The following CENPI variants were observed in gnomAD, a reference collection of about 807,000 sequenced individuals.
The protein encoded by CENPI is centromere protein I, also known as FSH primary response 1.
A neutral mutation model predicts 60.4 loss-of-function variants in CENPI; 4 were observed. The observed-to-expected ratio is 0.07, with a 90% CI of 0.03 to 0.15. The LOEUF (loss-of-function observed/expected upper bound fraction) is 0.15. CENPI is among the 10% of genes least tolerant of loss of function. The pLI, the probability that CENPI is intolerant of heterozygous loss-of-function variation, is 1.00. For synonymous variants in CENPI, 157 were observed against 189.4 expected, an observed-to-expected ratio of 0.83 and a Z score of 1.40; for missense variants, 444 against 534.5, an observed-to-expected ratio of 0.83 and a Z score of 1.67.
At chrX:101,168,551 C>T (rs140308775), downstream of CENPI, among the ~76,000 whole-genome samples, 789 of 111,643 alleles carry the variant, frequency 7.1e-3, 7 homozygotes, top group African/African-American at 0.025. Context: ...GGCAACAGAG[C>T]AAGACTCTGA....
chrX:101,120,589 C>G, intron 7 of CENPI, 139 bp downstream of exon 7: 1 of 616,469 alleles, frequency 1.6e-6, no homozygotes, highest in Non-Finnish European at 2.6e-6. Context: ...ACTTTAAGAG[C>G]ATCTGCTTAA....
chrX:101,156,448 A>C (rs1464420124), intron 20 of CENPI, among the ~76,000 whole-genome samples: 1 of 112,143 alleles, frequency 8.9e-6, no homozygotes, highest in Non-Finnish European at 1.9e-5. Flanking sequence ...TTTATTGCTA[A>C]AAGGGAAAAA....
intron 9 of CENPI, 40 bp downstream of exon 9, chrX:101,126,838 A>G: frequency 9.5e-7 from 1 of 1,052,917 alleles, no homozygotes; most frequent in African/African-American, 1.8e-5. Context: ...TAAGATTGAA[A>G]TATGTTATTT....
intron 11 of CENPI, 97 bp downstream of exon 11, chrX:101,127,762 G>C: frequency 1.5e-6 from 1 of 663,472 alleles, no homozygotes; most frequent in Non-Finnish European, 2.3e-6. Context: ...TTTGAGATAG[G>C]GTCTTACCTG....
chrX:101,156,062 G>C (rs1185272285), intron 20 of CENPI, among the ~76,000 whole-genome samples: 1 of 110,151 alleles, frequency 9.1e-6, no homozygotes, highest in Non-Finnish European at 1.9e-5. Flanking sequence ...ACCCAGGCTG[G>C]AGTGCAATGG....
chrX:101,113,463 T>C (rs906483601), intron 6 of CENPI, among the ~76,000 whole-genome samples: 1 of 110,435 alleles, frequency 9.1e-6, no homozygotes, highest in African/African-American at 3.3e-5. Context: ...ATTACAGGTA[T>C]GTGCTACCAC....
At chrX:101,141,854 C>A (rs1232793667) in intron 16 of CENPI, among the ~76,000 whole-genome samples, 2 of 110,685 alleles carry the variant, frequency 1.8e-5, no homozygotes, top group Admixed American at 9.7e-5. Flanking sequence ...CACCTCAGCC[C>A]CTGAGTAGCT....
At chrX:101,162,473 A>AATATATATATATATATATATAT (rs1556409815) in intron 21 of CENPI, among the ~76,000 whole-genome samples, 26 of 68,096 alleles carry the variant, frequency 3.8e-4, no homozygotes, top group African/African-American at 1.6e-3. Flanking sequence ...AAAAAAAAAA[A>AATATATATATATATATATATAT]ATATATATAT....
At chrX:101,114,428 A>G (rs2089593542) in intron 6 of CENPI, among the ~76,000 whole-genome samples, 1 of 111,674 alleles carries the variant, frequency 9.0e-6, no homozygotes, top group African/African-American at 3.3e-5. Context: ...CACCTCAAAA[A>G]GAAAAAAAGA....
chrX:101,117,017 C>T (rs2089630449), intron 6 of CENPI, among the ~76,000 whole-genome samples: 1 of 111,051 alleles, frequency 9.0e-6, no homozygotes, highest in Non-Finnish European at 1.9e-5. Context: ...CCTTTGCCCT[C>T]TTTTAAATTG....
chrX:101,171,079 AT>A (rs759467831), downstream of CENPI, among the ~76,000 whole-genome samples: 126 of 112,376 alleles, frequency 1.1e-3, no homozygotes, highest in Non-Finnish European at 2.2e-3. Context: ...AACTTGGAAA[AT>A]TCACATTTCT....
chrX:101,141,729 C>T (rs1460013507), intron 16 of CENPI, among the ~76,000 whole-genome samples: 1 of 110,467 alleles, frequency 9.1e-6, no homozygotes, highest in Non-Finnish European at 1.9e-5. Flanking sequence ...TTGAAATTAC[C>T]TCCACCTGCC....
intron 20 of CENPI, among the ~76,000 whole-genome samples, chrX:101,154,511 G>T (rs2090035516): frequency 9.0e-6 from 1 of 111,363 alleles, no homozygotes; most frequent in Admixed American, 9.6e-5. Flanking sequence ...AACCTGGGGG[G>T]CGGAGGTTGC....
intron 8 of CENPI, among the ~76,000 whole-genome samples, chrX:101,123,691 G>A (rs1222863983): frequency 1.8e-5 from 2 of 110,060 alleles, no homozygotes; most frequent in Admixed American, 9.7e-5. Flanking sequence ...GGGCTCAAGC[G>A]ATCCTCCCTC....
chrX:101,162,957 A>G lies in CENPI; in HGVS notation c.2261A>G (p.Asn754Ser). Residue 754 changes from asparagine to serine, a missense_variant, in exon 22 of 22, where the codon AAT (asparagine) becomes AGT (serine). By Grantham distance (46) the Asn-to-Ser change is conservative. Transcript: ENST00000682095. ...IPRAEGINCN[N>S]QY ...AGAGCAGAGGGCATAAACTGCAACAATCAATATTAAATGAATGTTGACATA... is the reference window on the plus strand; with the variant it reads ...AGAGCAGAGGGCATAAACTGCAACAGTCAATATTAAATGAATGTTGACATA... 3 of 1,208,487 alleles carry G rather than the reference A, an allele frequency of 2.5e-6. No individual in the cohort carries two copies. Among genetic ancestry groups the G allele is most frequent in the Non-Finnish European group, 3.4e-6 (3 of 893,465 alleles).
chrX:101,110,411 C>T (rs1174328938), intron 6 of CENPI, among the ~76,000 whole-genome samples: 1 of 112,043 alleles, frequency 8.9e-6, no homozygotes, highest in Non-Finnish European at 1.9e-5. Flanking sequence ...GCAAAAGCCT[C>T]ATCAGAATTA....
Position 101,107,406 on chromosome X carries a change from G to A in CENPI, c.365-2067G>A, listed in dbSNP as rs769372157. Reference sequence around the variant, plus strand: ...AGTTTCACTCTTATTGCCCAGGCTGGAGTGCAATGGTGTGATCTTGGCTCA... The same window carrying A: ...AGTTTCACTCTTATTGCCCAGGCTGAAGTGCAATGGTGTGATCTTGGCTCA... On this transcript the variant is annotated intron_variant, in intron 4 of 21. Transcript: ENST00000682095. 2.0e-3 allele frequency among the ~76,000 whole-genome samples: 223 copies of A among 109,914 alleles called. 1 individual carries two copies. The highest frequency in any genetic ancestry group is 7.1e-3 in the African/African-American group (214 of 30,230).
chrX:101,125,945 A>G (rs192885421), intron 8 of CENPI, among the ~76,000 whole-genome samples: 149 of 112,127 alleles, frequency 1.3e-3, no homozygotes, highest in Non-Finnish European at 2.2e-3. Flanking sequence ...ATGGGTGTAC[A>G]GAGGTTAGGA....
chrX:101,131,530 A>AAAT (rs1390901525), intron 13 of CENPI, among the ~76,000 whole-genome samples: 1 of 111,960 alleles, frequency 8.9e-6, no homozygotes, highest in African/African-American at 3.2e-5. Context: ...GTACGCAGTA[A>AAAT]AATAATGAGT....
Sources: gnomAD v4.1 joint callset for allele counts (sites outside exome capture counted in the v4.1 genomes callset) on GRCh38, gnomAD v4.1.1 for gene constraint, MANE v1.5 for transcripts, NCBI Gene and HGNC (gene_info 2026-07-23, HGNC 2026-07-21) for gene names.